Variants in CCDC18 observed in about 807,000 individuals in gnomAD.
The protein encoded by CCDC18 is coiled-coil domain-containing protein 18.
In CCDC18, 157 loss-of-function variants were observed where a neutral mutation model predicts 196.0. The ratio of observed to expected loss-of-function variants is 0.80; its 90% CI spans 0.70 to 0.91. The LOEUF is 0.91. Among genes scored for constraint, CCDC18 ranks in the 40% least tolerant of loss-of-function variants. The probability of loss-of-function intolerance (pLI) is 0.00; values close to 1 mark genes in which losing one functional copy is unlikely to be tolerated. For missense variants in CCDC18, 1,465 were observed against 1,611.6 expected, an observed-to-expected ratio of 0.91 and a Z score of 1.56; for synonymous variants, 482 against 529.2, an observed-to-expected ratio of 0.91 and a Z score of 1.22.
chr1:93,277,958 T>G (rs1665717453), intron 28 of CCDC18, among the ~76,000 whole-genome samples: 1 of 152,044 alleles, frequency 6.6e-6, no homozygotes, highest in Non-Finnish European at 1.5e-5. Context: ...CAAGCCAGAA[T>G]TATTTGCTTT....
intron 13 of CCDC18, 142 bp downstream of exon 13, chr1:93,216,888 A>T: frequency 2.1e-6 from 1 of 471,862 alleles, no homozygotes; most frequent in Non-Finnish European, 3.8e-6. Flanking sequence ...TTTCTTGTTT[A>T]TATTTTTAAG....
chr1:93,213,359 C>T (rs1240159388), intron 11 of CCDC18, among the ~76,000 whole-genome samples: 1 of 151,672 alleles, frequency 6.6e-6, no homozygotes, highest in Non-Finnish European at 1.5e-5. Flanking sequence ...ACATCTCCAC[C>T]AGGATCCTTT....
chr1:93,192,692 C>T (rs1652033651), intron 5 of CCDC18, among the ~76,000 whole-genome samples: 1 of 152,242 alleles, frequency 6.6e-6, no homozygotes, highest in South Asian at 2.1e-4. Context: ...CCTGCCTCGG[C>T]CTCCCAAAGT....
chr1:93,271,625 A>C, intron 28 of CCDC18: 2 of 838,620 alleles, frequency 2.4e-6, no homozygotes, highest in Non-Finnish European at 2.9e-6. Context: ...ATTTGAGCCC[A>C]GGAGTTTGAG....
rs556516423 is a variant in CCDC18 at position 93,200,255 on chromosome 1, G to A, written c.699-1637G>A. Among the ~76,000 whole-genome samples the A allele has an allele frequency of 1.7e-4, 25 of 151,434 alleles. 1 individual carries two copies. In the South Asian group the frequency reaches 3.7e-3, roughly 23 times the overall value. ...CTTCTAAACTGTTTGGAATACAGGC[G>A]TGAACCACCACACCCAGCACATAAC... On this transcript the variant is annotated intron_variant, in intron 6 of 28. Coordinates refer to ENST00000690025, the MANE Select transcript of CCDC18 (RefSeq NM_001378204.1).
Position 93,205,432 on chromosome 1 carries a change from A to G in CCDC18, c.796-78A>G, listed in dbSNP as rs935645106. 1.4e-5 allele frequency: 17 copies of G among 1,246,556 alleles called. No homozygotes were observed. The Admixed American group carries it at 4.1e-4, about 30-fold the overall frequency. The allele number at this position is 1,246,556 out of a possible 1,614,324, so 77.2% of individuals were successfully genotyped here. ...GTCTACTCTCCTGCTTATTTCTGAAATCACTACTGACATTTTTAGCTTGAA... is the reference window on the plus strand; with the variant it reads ...GTCTACTCTCCTGCTTATTTCTGAAGTCACTACTGACATTTTTAGCTTGAA... On this transcript the variant is annotated intron_variant, in intron 7 of 28. Coordinates refer to ENST00000690025, the MANE Select transcript of CCDC18 (RefSeq NM_001378204.1).
At chr1:93,212,894 A>G (rs1655887319) in intron 11 of CCDC18, among the ~76,000 whole-genome samples, 1 of 152,158 alleles carries the variant, frequency 6.6e-6, no homozygotes, top group Admixed American at 6.5e-5. Flanking sequence ...AACTCATCGT[A>G]ATGTAGAATC....
chr1:93,234,552 A>G (rs1055799855), intron 18 of CCDC18, among the ~76,000 whole-genome samples: 1 of 152,160 alleles, frequency 6.6e-6, no homozygotes, highest in Non-Finnish European at 1.5e-5. Context: ...ACAGAAGTTT[A>G]TATCTAAAAA....
Position 93,232,438 on chromosome 1 carries a change from C to G in CCDC18, c.2305C>G (p.Gln769Glu). ...ATATATTTGCCAGGTATATTGTTTA[C>G]AGAAAGAGCTAAAGATAAAAAATCA... ...KKKSEEVYCL[Q>E]KELKIKNHSL... The change falls in exon 18 of 29, where the codon CAG (glutamine) becomes GAG (glutamate). Residue 769 changes from glutamine (Q) to glutamate (E), a missense_variant. Physicochemically the swap from Gln to Glu is conservative, Grantham distance 29 (BLOSUM62 2). Transcript: ENST00000690025. The G allele has an allele frequency of 6.3e-7, 1 of 1,590,850 alleles. No homozygotes were observed. Among genetic ancestry groups the G allele is most frequent in the Non-Finnish European group, 8.6e-7 (1 of 1,165,304 alleles).
intron 4 of CCDC18, chr1:93,190,660 A>G: frequency 2.6e-6 from 1 of 377,620 alleles, no homozygotes; most frequent in Non-Finnish European, 4.8e-6. Flanking sequence ...TATCAGTATG[A>G]GATGTTTTTC....
chr1:93,208,331 T>G, intron 9 of CCDC18, among the ~76,000 whole-genome samples: 1 of 91,196 alleles, frequency 1.1e-5, no homozygotes, highest in African/African-American at 3.4e-5. Context: ...TTTCTTTTTT[T>G]TTGTTTGTTT....
chr1:93,187,154 G>A (rs1650833058), intron 4 of CCDC18, among the ~76,000 whole-genome samples: 2 of 151,908 alleles, frequency 1.3e-5, no homozygotes, highest in Admixed American at 1.3e-4. Context: ...CAGTAATGGA[G>A]ACATAGTAAA....
intron 23 of CCDC18, among the ~76,000 whole-genome samples, chr1:93,250,378 CAA>C (rs71094242): frequency 6.3e-4 from 56 of 89,416 alleles, no homozygotes; most frequent in African/African-American, 1.4e-3. Flanking sequence ...GAGACCCTGT[CAA>C]AAAAAAAAAA....
At chr1:93,186,593 C>A in intron 4 of CCDC18, 90 bp downstream of exon 4, 1 of 986,512 alleles carries the variant, frequency 1.0e-6, no homozygotes, top group Non-Finnish European at 1.5e-6. Flanking sequence ...TGCCACATTG[C>A]CTTAATGTGT....
intron 24 of CCDC18, among the ~76,000 whole-genome samples, chr1:93,255,742 A>AGAAGAGGAAGAAGAGGAAGAAGAGGAG (rs1001294176): frequency 1.4e-5 from 2 of 141,760 alleles, no homozygotes; most frequent in Non-Finnish European, 3.0e-5. Flanking sequence ...TACCAAACGA[A>AGAAGAGGAAGAAGAGGAAGAAGAGGAG]GAAGAGGAAG....
At chr1:93,239,278 A>C in intron 19 of CCDC18, 32 bp from the exon 20 acceptor site, 1 of 1,454,000 alleles carries the variant, frequency 6.9e-7, no homozygotes, top group Non-Finnish European at 9.2e-7. Flanking sequence ...TAAGTTTCTA[A>C]ATTACCTGTT....
chr1:93,251,532 A>G (rs1185760689), intron 23 of CCDC18, among the ~76,000 whole-genome samples: 1 of 152,034 alleles, frequency 6.6e-6, no homozygotes, highest in African/African-American at 2.4e-5. Context: ...TTTCTGAAGG[A>G]TAACTCTGCT....
rs1288570702 is a variant in CCDC18, at chr1:93,214,933, GA to G, written c.1689del (p.Ala564LeufsTer11). On this transcript the variant is annotated frameshift_variant, in exon 12 of 29. Coordinates refer to ENST00000690025, the MANE Select transcript of CCDC18 (RefSeq NM_001378204.1). LOFTEE classifies it high-confidence loss of function. ...FQLIQEELLE[K>X]ASNSSKLESE... is the part of the protein sequence containing the mutation. ...AGCTGATTCAAGAGGAGCTGCTAGA[GA>G]AAGCTTCAAACTCCAGCAAACTGGA... 6.2e-7 allele frequency: 1 copy of G among 1,607,610 alleles called. No individual in the cohort carries two copies. The highest frequency in any genetic ancestry group is 8.5e-7 in the Non-Finnish European group (1 of 1,176,330).
intron 6 of CCDC18, 70 bp from the exon 7 acceptor site, chr1:93,201,822 A>T (rs548827904): frequency 1.1e-6 from 1 of 923,632 alleles, no homozygotes; most frequent in Non-Finnish European, 1.6e-6. Context: ...ATTAAAGATT[A>T]CTTTGGAACT....
Sources: allele counts gnomAD v4.1 joint callset (sites outside exome capture counted in the v4.1 genomes callset), GRCh38; gene constraint gnomAD v4.1.1; transcripts MANE v1.5; gene names NCBI Gene and HGNC (gene_info 2026-07-23, HGNC 2026-07-21).